Variants in ZCCHC24 observed in about 807,000 individuals in gnomAD.
The protein encoded by ZCCHC24 is zinc finger CCHC domain-containing protein 24.
Under a neutral mutation model 26.2 loss-of-function variants are expected in ZCCHC24, and 10 were observed. The observed-to-expected ratio is 0.38, with a 90% CI of 0.24 to 0.65. The LOEUF is 0.65. ZCCHC24 is among the 30% of genes least tolerant of loss of function. ZCCHC24 has a pLI of 0.54. For missense variants in ZCCHC24, 243 were observed against 329.1 expected (o/e 0.74, Z 2.03); for synonymous variants, 144 against 147.1 (o/e 0.98, Z 0.15).
intron 2 of ZCCHC24, among the ~76,000 whole-genome samples, chr10:79,395,513 C>T (rs1249222232): frequency 1.3e-5 from 2 of 152,152 alleles, no homozygotes; most frequent in East Asian, 3.8e-4. Flanking sequence ...AGCAAATTGC[C>T]ACTGCCCCTT....
At chr10:79,415,570 C>G (rs1856848469) in intron 2 of ZCCHC24, among the ~76,000 whole-genome samples, 1 of 152,156 alleles carries the variant, frequency 6.6e-6, no homozygotes. Flanking sequence ...GGTACAAATG[C>G]CCTTTGTTCA....
intron 2 of ZCCHC24, among the ~76,000 whole-genome samples, chr10:79,407,345 G>A (rs1366986290): frequency 6.6e-6 from 1 of 152,262 alleles, no homozygotes; most frequent in Non-Finnish European, 1.5e-5. Context: ...TTCCCCAGCA[G>A]GAAGTGAAGG....
chr10:79,401,622 G>A (rs1414031771), intron 2 of ZCCHC24, among the ~76,000 whole-genome samples: 1 of 152,212 alleles, frequency 6.6e-6, no homozygotes, highest in East Asian at 1.9e-4. Context: ...GCATGCTGGG[G>A]GCATCCCTCC....
chr10:79,402,442 A>G (rs1182274905), intron 2 of ZCCHC24, among the ~76,000 whole-genome samples: 2 of 151,870 alleles, frequency 1.3e-5, no homozygotes, highest in Non-Finnish European at 2.9e-5. Context: ...CGCCCGGCTA[A>G]TTTTTTGTAT....
intron 1 of ZCCHC24, among the ~76,000 whole-genome samples, chr10:79,440,319 C>G (rs1278792862): frequency 6.6e-6 from 1 of 152,334 alleles, no homozygotes; most frequent in South Asian, 2.1e-4. Flanking sequence ...TCTCCTAAAG[C>G]AGGCCAGCCC....
At chr10:79,428,482 T>C (rs190511017) in intron 2 of ZCCHC24, among the ~76,000 whole-genome samples, 7 of 106,432 alleles carry the variant, frequency 6.6e-5, no homozygotes, top group African/African-American at 2.7e-4. Flanking sequence ...ATTTCAGTTT[T>C]GCAAGATAAA....
chr10:79,408,669 G>A (rs933779811), intron 2 of ZCCHC24, among the ~76,000 whole-genome samples: 12 of 152,192 alleles, frequency 7.9e-5, no homozygotes, highest in Admixed American at 6.5e-4. Flanking sequence ...GGGTGTCGTG[G>A]CAGAGGAGAA....
At chr10:79,412,179 G>A (rs950330538) in intron 2 of ZCCHC24, among the ~76,000 whole-genome samples, 1 of 152,220 alleles carries the variant, frequency 6.6e-6, no homozygotes, top group Non-Finnish European at 1.5e-5. Flanking sequence ...CACAGGGAGC[G>A]AGCGGAACGC....
intron 1 of ZCCHC24, among the ~76,000 whole-genome samples, chr10:79,444,640 C>T (rs1245761036): frequency 9.2e-5 from 14 of 152,172 alleles, no homozygotes; most frequent in African/African-American, 3.4e-4. Flanking sequence ...CTGGGGTCCC[C>T]GAGTGAGAAC....
intron 1 of ZCCHC24, 55 bp downstream of exon 1, chr10:79,445,140 A>ACGGCGGGG (rs1857346197): frequency 1.8e-6 from 2 of 1,099,252 alleles, no homozygotes; most frequent in Non-Finnish European, 1.1e-6. Context: ...ACGGCCCGCC[A>ACGGCGGGG]CGGTGGGGCG....
chr10:79,394,417 C>T lies in ZCCHC24; in HGVS notation c.471G>A (p.Leu157=). 4.3e-6 allele frequency: 7 copies of T among 1,614,196 alleles called. No homozygotes were observed. Among genetic ancestry groups the T allele is most frequent in the Non-Finnish European group, 5.9e-6 (7 of 1,180,004 alleles). ...AGCGCTTTTTGCCCTGGTATGGAGT[C>T]AGGCCCTCGCCTTTGGGGCGTGCCT... ...CPQARPKGEG[L]TPYQGKKRCF... Residue 157 remains leucine (L), a synonymous_variant, in exon 3 of 4, where the codon CTG becomes CTA. Coordinates refer to ENST00000372336, the MANE Select transcript of ZCCHC24 (RefSeq NM_153367.4).
At chr10:79,396,435 G>A (rs929735479) in intron 2 of ZCCHC24, among the ~76,000 whole-genome samples, 2 of 152,196 alleles carry the variant, frequency 1.3e-5, no homozygotes, top group African/African-American at 4.8e-5. Flanking sequence ...TGAGGTTAAG[G>A]AGTGGCTGCC....
intron 1 of ZCCHC24, among the ~76,000 whole-genome samples, chr10:79,435,541 A>C (rs565780863): frequency 7.4e-4 from 112 of 152,276 alleles, no homozygotes; most frequent in Admixed American, 5.4e-3. Flanking sequence ...TCCCCTCCTC[A>C]TGGCCTTCCC....
chr10:79,444,118 G>C, intron 1 of ZCCHC24: 1 of 1,545,848 alleles, frequency 6.5e-7, no homozygotes, highest in Non-Finnish European at 8.7e-7. Flanking sequence ...GCCCAGGTCT[G>C]GAAGGAAAGT....
intron 2 of ZCCHC24, among the ~76,000 whole-genome samples, chr10:79,421,305 G>C (rs1823505043): frequency 6.6e-6 from 1 of 152,120 alleles, no homozygotes; most frequent in Non-Finnish European, 1.5e-5. Flanking sequence ...GCCAGCCCAG[G>C]CTCCAGGAGA....
At chr10:79,425,555 G>C (rs190116706) in intron 2 of ZCCHC24, among the ~76,000 whole-genome samples, 164 of 152,304 alleles carry the variant, frequency 1.1e-3, no homozygotes, top group African/African-American at 3.8e-3. Flanking sequence ...TATTGAAAAA[G>C]CATGCGCTCT....
At chr10:79,400,516 T>C (rs979693534) in intron 2 of ZCCHC24, among the ~76,000 whole-genome samples, 2 of 152,244 alleles carry the variant, frequency 1.3e-5, no homozygotes, top group Non-Finnish European at 2.9e-5. Context: ...CCACAAGGGC[T>C]GAGAGACAGG....
chr10:79,436,889 T>A (rs1857223992), intron 1 of ZCCHC24, among the ~76,000 whole-genome samples: 1 of 152,114 alleles, frequency 6.6e-6, no homozygotes, highest in Admixed American at 6.6e-5. Context: ...CACCTCTCTT[T>A]CCTCCCTAGG....
chr10:79,431,299 G>T (rs1010520769), intron 2 of ZCCHC24, among the ~76,000 whole-genome samples: 2 of 152,312 alleles, frequency 1.3e-5, no homozygotes, highest in East Asian at 3.9e-4. Flanking sequence ...AGAACCCCAG[G>T]GGGGCTGAGG....
Sources: allele counts gnomAD v4.1 joint callset (sites outside exome capture counted in the v4.1 genomes callset), GRCh38; gene constraint gnomAD v4.1.1; transcripts MANE v1.5; gene names NCBI Gene and HGNC (gene_info 2026-07-23, HGNC 2026-07-21).